The following ARID3B variants were observed in gnomAD, a reference collection of about 807,000 sequenced individuals.
The protein encoded by ARID3B is AT-rich interactive domain-containing protein 3B.
Under a neutral mutation model 51.9 loss-of-function variants are expected in ARID3B, and 10 were observed. The observed-to-expected ratio is 0.19, with a 90% confidence interval of 0.12 to 0.33. The LOEUF is 0.33. Among genes scored for constraint, ARID3B ranks in the 10% least tolerant of loss-of-function variants. The pLI, the probability that ARID3B is intolerant of heterozygous loss-of-function variation, is 1.00. For missense variants in ARID3B, 483 were observed against 716.3 expected, an observed-to-expected ratio of 0.67 and a Z score of 3.72; for synonymous variants, 205 against 279.5, an observed-to-expected ratio of 0.73 and a Z score of 2.66.
At position 74,593,255 on chromosome 15, in the gene ARID3B, G is replaced by A. The variant is rs757044113; in HGVS notation, c.1519+19G>A. The A allele has an allele frequency of 2.5e-6, 4 of 1,605,978 alleles. No individual in the cohort carries two copies. Among genetic ancestry groups the A allele is most frequent in the Admixed American group, 1.7e-5 (1 of 59,434 alleles). On this transcript the variant is annotated intron_variant, in intron 8 of 8. Coordinates refer to ENST00000346246, the MANE Select transcript of ARID3B (RefSeq NM_006465.4). ...TATGCAGGTGAGGCCCTGGAGCTCT[G>A]GGGGAGGCCCACGTGGCCGCAGCTA...
intron 4 of ARID3B, among the ~76,000 whole-genome samples, chr15:74,580,508 G>C (rs1039404748): frequency 2.6e-5 from 4 of 152,244 alleles, no homozygotes; most frequent in Non-Finnish European, 5.9e-5. Flanking sequence ...ACTGTTACTT[G>C]CATTTTTATT....
At chr15:74,553,803 TTTTATTTATTTATTTA>T (rs202077230) in intron 2 of ARID3B, among the ~76,000 whole-genome samples, 2 of 150,242 alleles carry the variant, frequency 1.3e-5, no homozygotes, top group African/African-American at 4.9e-5. Context: ...GTTTTTTAAT[TTTTATTTATTTATTTA>T]TTTATTTATT....
At chr15:74,545,996 T>C (rs1167702022) in intron 2 of ARID3B, among the ~76,000 whole-genome samples, 1 of 152,146 alleles carries the variant, frequency 6.6e-6, no homozygotes, top group Admixed American at 6.5e-5. Flanking sequence ...AGGCACATGG[T>C]AGGTAATAGT....
At chr15:74,552,056 CTTT>C (rs869096001) in intron 2 of ARID3B, among the ~76,000 whole-genome samples, 21 of 102,610 alleles carry the variant, frequency 2.0e-4, no homozygotes, top group South Asian at 1.5e-3. Flanking sequence ...TCTTTCTTTC[CTTT>C]TTTTTTTTTT....
chr15:74,563,995 G>T (rs1053650302), intron 2 of ARID3B, among the ~76,000 whole-genome samples: 2 of 152,160 alleles, frequency 1.3e-5, no homozygotes, highest in African/African-American at 4.8e-5. Context: ...GTGTCCTTTA[G>T]CTCTTTTCCA....
chr15:74,555,898 T>C (rs1404240331), intron 2 of ARID3B, among the ~76,000 whole-genome samples: 1 of 149,086 alleles, frequency 6.7e-6, no homozygotes, highest in Middle Eastern at 3.6e-3. Context: ...TTCATGCCAT[T>C]CTCCTGCCTC....
intron 8 of ARID3B, among the ~76,000 whole-genome samples, chr15:74,593,599 GGAACCCCA>G (rs79457574): frequency 0.067 from 10,125 of 152,160 alleles, 851 homozygotes; most frequent in Admixed American, 0.25. Flanking sequence ...CACAGGCAAA[GGAACCCCA>G]GTATAGGAGA....
At chr15:74,561,540 G>C (rs2061679469) in intron 2 of ARID3B, among the ~76,000 whole-genome samples, 1 of 152,210 alleles carries the variant, frequency 6.6e-6, no homozygotes, top group South Asian at 2.1e-4. Context: ...AAGTGAGGCA[G>C]TTATAAGCAG....
intron 2 of ARID3B, among the ~76,000 whole-genome samples, chr15:74,549,541 T>C (rs2061628669): frequency 6.6e-6 from 1 of 151,076 alleles, no homozygotes; most frequent in Non-Finnish European, 1.5e-5. Context: ...GCACTCCAGT[T>C]TGGATGACAG....
intron 2 of ARID3B, among the ~76,000 whole-genome samples, chr15:74,557,112 CTT>C (rs887980567): frequency 1.3e-5 from 2 of 151,846 alleles, no homozygotes; most frequent in African/African-American, 4.8e-5. Context: ...TTAGCAGAGA[CTT>C]ATATGTAATA....
chr15:74,559,647 C>T (rs1382685105), intron 2 of ARID3B, among the ~76,000 whole-genome samples: 1 of 152,168 alleles, frequency 6.6e-6, no homozygotes, highest in East Asian at 1.9e-4. Context: ...CATATTCCCT[C>T]TTGCTCCCTT....
intron 4 of ARID3B, among the ~76,000 whole-genome samples, chr15:74,585,183 C>T (rs2061775838): frequency 6.6e-6 from 1 of 152,234 alleles, no homozygotes; most frequent in African/African-American, 2.4e-5. Flanking sequence ...CCTGTAGGGC[C>T]AACACCAGTG....
intron 2 of ARID3B, among the ~76,000 whole-genome samples, chr15:74,562,940 C>G (rs184921032): frequency 4.8e-4 from 73 of 152,296 alleles, no homozygotes; most frequent in Non-Finnish European, 9.6e-4. Context: ...TAGGAAATGA[C>G]TTATATTGCC....
chr15:74,578,732 CA>C (rs1292346111), intron 4 of ARID3B, among the ~76,000 whole-genome samples: 1 of 152,008 alleles, frequency 6.6e-6, no homozygotes, highest in Non-Finnish European at 1.5e-5. Context: ...ACAAAAAAAA[CA>C]TTTTTTTTTA....
At chr15:74,565,871 G>A (rs1163292148) in intron 2 of ARID3B, among the ~76,000 whole-genome samples, 1 of 152,078 alleles carries the variant, frequency 6.6e-6, no homozygotes, top group Non-Finnish European at 1.5e-5. Context: ...GCTGCCAGGT[G>A]CCATAACCTG....
chr15:74,555,497 T>G (rs1018815050), intron 2 of ARID3B, among the ~76,000 whole-genome samples: 2 of 152,108 alleles, frequency 1.3e-5, no homozygotes, highest in Non-Finnish European at 2.9e-5. Flanking sequence ...GCCCAACTAA[T>G]TTTTAAAAAT....
chr15:74,567,736 C>CT (rs1348756627), intron 2 of ARID3B, among the ~76,000 whole-genome samples: 5 of 152,174 alleles, frequency 3.3e-5, no homozygotes, highest in African/African-American at 1.2e-4. Context: ...CTCAGGGTAA[C>CT]TTCTGCCTAT....
At chr15:74,572,376 C>T (rs2061722193) in intron 2 of ARID3B, among the ~76,000 whole-genome samples, 1 of 152,192 alleles carries the variant, frequency 6.6e-6, no homozygotes, top group Non-Finnish European at 1.5e-5. Context: ...AATGGTGAGG[C>T]TTGACTAAGA....
chr15:74,546,529 GCGTGTGCATGTGCACA>G (rs1171088571), intron 2 of ARID3B, among the ~76,000 whole-genome samples: 4 of 152,336 alleles, frequency 2.6e-5, no homozygotes, highest in South Asian at 4.1e-4. Flanking sequence ...TTCAGAACTG[GCGTGTGCATGTGCACA>G]CGTGTGCACC....
Sources: gnomAD v4.1 joint callset for allele counts (sites outside exome capture counted in the v4.1 genomes callset) on GRCh38, gnomAD v4.1.1 for gene constraint, MANE v1.5 for transcripts, NCBI Gene and HGNC (gene_info 2026-07-23, HGNC 2026-07-21) for gene names.